The following TBCK variants were observed in gnomAD, a reference collection of about 807,000 sequenced individuals.
TBCK encodes the protein TBC1 domain containing kinase.
A neutral mutation model predicts 113.4 loss-of-function variants in TBCK; 99 were observed. The ratio of observed to expected loss-of-function variants is 0.87; its 90% CI spans 0.74 to 1.03. The LOEUF (loss-of-function observed/expected upper bound fraction) is 1.03, where lower values mean the gene tolerates loss of function less well. Ranked by LOEUF, TBCK falls within the 50% of genes least tolerant of loss-of-function variation. The pLI is 0.00. For synonymous variants in TBCK, 369 were observed against 370.8 expected (o/e 1.00, Z 0.05); for missense variants, 1,045 against 1,061.3 (o/e 0.98, Z 0.21).
rs767308208 is a variant in TBCK at position 106,095,633 on chromosome 4, C to G, written c.2420G>C (p.Arg807Pro). The change falls in exon 25 of 26, where the codon CGT becomes CCT. Residue 807 changes from arginine to proline, a missense_variant. Coordinates refer to ENST00000394708, the MANE Select transcript of TBCK (RefSeq NM_001163435.3). ...VDIRNSEDFI[R>P]GHISGSINIP... is the part of the protein sequence containing the mutation. ...GTTGATGCTTCCTGAAATGTGACCA[C>G]GAATAAAGCTGAGAAGGAAAGTTTA... is the stretch of plus-strand genomic sequence containing the variant. 131 of 1,611,540 alleles carry G rather than the reference C, an allele frequency of 8.1e-5. No individual in the cohort carries two copies. In the South Asian group the frequency reaches 8.8e-4, roughly 11 times the overall value.
At chr4:106,169,578 A>G (rs1750762395) in intron 23 of TBCK, among the ~76,000 whole-genome samples, 1 of 152,098 alleles carries the variant, frequency 6.6e-6, no homozygotes, top group Admixed American at 6.6e-5. Flanking sequence ...GTCATCTAGA[A>G]CAGTGTTCCT....
chr4:106,271,095 TATAA>T (rs1002370991), intron 3 of TBCK, among the ~76,000 whole-genome samples: 18 of 152,298 alleles, frequency 1.2e-4, no homozygotes, highest in Admixed American at 1.1e-3. Flanking sequence ...TGCTTACCTA[TATAA>T]ATAAATACTT....
chr4:106,042,205 G>T lies in TBCK; in HGVS notation c.*4365C>A, dbSNP rs568731737. 2.6e-5 allele frequency: 4 copies of T among 152,256 alleles called. No homozygotes were observed. Among genetic ancestry groups the T allele is most frequent in the African/African-American group, 9.6e-5 (4 of 41,556 alleles). The allele number at this position is 152,256 out of a possible 1,614,324, so 9.4% of individuals were successfully genotyped here. A position where few individuals can be genotyped will look rare whatever the true frequency, so the allele number is the denominator to read the frequency against. On this transcript the variant is annotated 3_prime_UTR_variant, in exon 26 of 26. Transcript: ENST00000394708. ...TTTATCAAGAAAAATGCATTATTTG[G>T]TTAATAACAGCTATATTTTGGGTCA...
chr4:106,314,767 G>C (rs1028743150), intron 1 of TBCK, among the ~76,000 whole-genome samples: 1 of 151,638 alleles, frequency 6.6e-6, no homozygotes, highest in African/African-American at 2.4e-5. Flanking sequence ...TGGGATTACA[G>C]GCGCCCGCCA....
At chr4:106,180,705 C>T (rs1294143238) in intron 22 of TBCK, among the ~76,000 whole-genome samples, 3 of 152,122 alleles carry the variant, frequency 2.0e-5, no homozygotes, top group African/African-American at 7.2e-5. Flanking sequence ...CTGCAAAGGA[C>T]ATGAACTCAT....
At chr4:106,252,454 CCT>C (rs1439269287) in intron 5 of TBCK, among the ~76,000 whole-genome samples, 2 of 152,014 alleles carry the variant, frequency 1.3e-5, no homozygotes, top group Non-Finnish European at 2.9e-5. Flanking sequence ...TCTCTACACC[CCT>C]GTCATCCATA....
At chr4:106,152,514 A>C (rs949451036) in intron 23 of TBCK, among the ~76,000 whole-genome samples, 1 of 152,036 alleles carries the variant, frequency 6.6e-6, no homozygotes, top group Non-Finnish European at 1.5e-5. Context: ...TTTTGCATCA[A>C]CATTCATCTG....
chr4:106,107,848 T>C (rs963433290), intron 24 of TBCK, among the ~76,000 whole-genome samples: 2 of 151,822 alleles, frequency 1.3e-5, no homozygotes, highest in African/African-American at 4.8e-5. Context: ...AATTCAGGAG[T>C]TGGTTTTTTG....
chr4:106,230,681 T>G (rs1302301129), intron 18 of TBCK, among the ~76,000 whole-genome samples: 1 of 151,924 alleles, frequency 6.6e-6, no homozygotes, highest in Admixed American at 6.6e-5. Flanking sequence ...CAAACTAGCA[T>G]GGCAATCATT....
At chr4:106,172,294 C>T (rs1046434118) in intron 22 of TBCK, among the ~76,000 whole-genome samples, 1 of 152,062 alleles carries the variant, frequency 6.6e-6, no homozygotes, top group African/African-American at 2.4e-5. Context: ...ATCTTTAATG[C>T]AGAGGTAATA....
intron 19 of TBCK, among the ~76,000 whole-genome samples, chr4:106,226,938 A>G (rs1374148268): frequency 6.6e-6 from 1 of 152,122 alleles, no homozygotes; most frequent in African/African-American, 2.4e-5. Flanking sequence ...AATTTTGAAG[A>G]AGGTATAACA....
chr4:106,258,917 C>A (rs555302716), intron 5 of TBCK, among the ~76,000 whole-genome samples: 11 of 151,824 alleles, frequency 7.2e-5, no homozygotes, highest in Non-Finnish European at 1.5e-4. Context: ...TTGCAAAATA[C>A]CATTTTCATG....
intron 23 of TBCK, among the ~76,000 whole-genome samples, chr4:106,131,445 T>C (rs1745911025): frequency 6.6e-6 from 1 of 152,164 alleles, no homozygotes; most frequent in African/African-American, 2.4e-5. Flanking sequence ...AAACCCCGTC[T>C]CTACTAAAAA....
At chr4:106,165,587 A>C (rs1475377105) in intron 23 of TBCK, among the ~76,000 whole-genome samples, 2 of 151,802 alleles carry the variant, frequency 1.3e-5, no homozygotes, top group African/African-American at 2.4e-5. Context: ...ATTTAGATAT[A>C]GAAGACTGTC....
At chr4:106,205,366 G>T (rs960190317) in intron 20 of TBCK, among the ~76,000 whole-genome samples, 2 of 152,040 alleles carry the variant, frequency 1.3e-5, no homozygotes, top group Non-Finnish European at 2.9e-5. Context: ...CATCTAAATT[G>T]CAAGATAGAG....
intron 24 of TBCK, among the ~76,000 whole-genome samples, chr4:106,104,623 T>A (rs1741929564): frequency 6.6e-6 from 1 of 151,732 alleles, no homozygotes; most frequent in Admixed American, 6.6e-5. Flanking sequence ...ACAGCATAGA[T>A]GCTCTACCAA....
intron 24 of TBCK, among the ~76,000 whole-genome samples, chr4:106,099,534 T>C (rs948109670): frequency 6.6e-6 from 1 of 152,050 alleles, no homozygotes; most frequent in African/African-American, 2.4e-5. Context: ...CTCTCATATA[T>C]ACCATAACTA....
chr4:106,120,481 G>A (rs527493304), intron 23 of TBCK, among the ~76,000 whole-genome samples: 27 of 152,312 alleles, frequency 1.8e-4, no homozygotes, highest in African/African-American at 6.3e-4. Flanking sequence ...AAGGAGGCCT[G>A]CCTGCCTCTG....
At chr4:106,166,182 A>T (rs1353975193) in intron 23 of TBCK, among the ~76,000 whole-genome samples, 1 of 151,722 alleles carries the variant, frequency 6.6e-6, no homozygotes, top group Non-Finnish European at 1.5e-5. Context: ...TTGAACCTTC[A>T]AATAAACAAT....
Sources: gnomAD v4.1 joint callset for allele counts (sites outside exome capture counted in the v4.1 genomes callset) on GRCh38, gnomAD v4.1.1 for gene constraint, MANE v1.5 for transcripts, NCBI Gene and HGNC (gene_info 2026-07-23, HGNC 2026-07-21) for gene names.